Variants in GAB2 observed in about 807,000 individuals in gnomAD.
GAB2 encodes the protein GRB2-associated-binding protein 2.
Under a neutral mutation model 65.5 loss-of-function variants are expected in GAB2, and 26 were observed. The observed-to-expected ratio is 0.40, with a 90% CI of 0.29 to 0.55. The LOEUF (loss-of-function observed/expected upper bound fraction) is 0.55. Among genes scored for constraint, GAB2 ranks in the 20% least tolerant of loss-of-function variants. GAB2 has a pLI of 0.53. For synonymous variants in GAB2, 321 were observed against 329.6 expected (o/e 0.97, Z 0.28); for missense variants, 884 against 875.8 (o/e 1.01, Z -0.12).
chr11:78,277,411 G>A (rs762361164), intron 2 of GAB2, among the ~76,000 whole-genome samples: 5 of 152,132 alleles, frequency 3.3e-5, no homozygotes, highest in Non-Finnish European at 5.9e-5. Context: ...AGAGTCAGGC[G>A]GTTAAACTCT....
In GAB2 at chr11:78,250,245, T is replaced by A. The variant is rs765305156; in HGVS notation, c.532A>T (p.Asn178Tyr). Residue 178 changes from asparagine to tyrosine, a missense_variant, in exon 3 of 10, where the codon AAC becomes TAC. Asn to Tyr is a moderately radical substitution (Grantham distance 143). Coordinates refer to ENST00000361507, the MANE Select transcript of GAB2 (RefSeq NM_080491.3). ...TLFTFEPPVS[N>Y]HMQPTLSTSA... is the part of the protein sequence containing the mutation. ...GTGGACAAGGTGGGCTGCATGTGGT[T>A]TGACACAGGGGGTTCAAACGTGAAC... 8 of 1,612,970 alleles carry A rather than the reference T, an allele frequency of 5.0e-6. No individual in the cohort carries two copies. The highest frequency in any genetic ancestry group is 1.7e-4 in the Middle Eastern group (1 of 6,060).
rs1867059011 is a variant in GAB2 at position 78,302,601 on chromosome 11, C to T, written c.76-21700G>A. On this transcript the variant is annotated intron_variant, in intron 1 of 9. Coordinates refer to ENST00000361507, the MANE Select transcript of GAB2 (RefSeq NM_080491.3). ...GTGGGAATGTAAACTAGTACAACCA[C>T]TATGGAAAACAGTGTGAAGATTCCT... Among the ~76,000 whole-genome samples the T allele has an allele frequency of 3.9e-5, 6 of 152,076 alleles. No homozygotes were observed. In the South Asian group the frequency reaches 1.2e-3, roughly 32 times the overall value.
chr11:78,308,902 T>A (rs987450138), intron 1 of GAB2, among the ~76,000 whole-genome samples: 1 of 152,174 alleles, frequency 6.6e-6, no homozygotes, highest in Non-Finnish European at 1.5e-5. Flanking sequence ...TGTGTGTGTA[T>A]TCCATTTCAC....
chr11:78,401,114 T>TTA (rs1287153918), intron 1 of GAB2, among the ~76,000 whole-genome samples: 8 of 145,180 alleles, frequency 5.5e-5, no homozygotes, highest in African/African-American at 2.0e-4. Flanking sequence ...AAGTGAGGTT[T>TTA]AAAAAAAAAA....
At chr11:78,375,676 C>A (rs1856623655) in intron 1 of GAB2, among the ~76,000 whole-genome samples, 1 of 151,868 alleles carries the variant, frequency 6.6e-6, no homozygotes, top group South Asian at 2.1e-4. Flanking sequence ...ACTAGAGAGG[C>A]AGAGAAAAGG....
chr11:78,267,766 A>C (rs1394609995), intron 2 of GAB2, among the ~76,000 whole-genome samples: 1 of 151,026 alleles, frequency 6.6e-6, no homozygotes, highest in East Asian at 2.0e-4. Context: ...GCTGAGGCAG[A>C]AGAATGGCAT....
intron 2 of GAB2, among the ~76,000 whole-genome samples, chr11:78,260,030 C>A (rs971392925): frequency 6.6e-6 from 1 of 152,186 alleles, no homozygotes; most frequent in Admixed American, 6.5e-5. Flanking sequence ...GGTAAGTAAA[C>A]ATTTGTGGAT....
chr11:78,357,600 C>T (rs142946400), intron 1 of GAB2, among the ~76,000 whole-genome samples: 3,757 of 152,176 alleles, frequency 0.025, 125 homozygotes, highest in African/African-American at 0.079. Context: ...AAAAACTGGG[C>T]GAAGGATATG....
At chr11:78,361,013 G>A (rs192033361) in intron 1 of GAB2, among the ~76,000 whole-genome samples, 2 of 152,128 alleles carry the variant, frequency 1.3e-5, no homozygotes, top group East Asian at 1.9e-4. Flanking sequence ...AAAACAAAGC[G>A]TATTGCTATA....
intron 2 of GAB2, among the ~76,000 whole-genome samples, chr11:78,255,645 C>T (rs1565128460): frequency 1.3e-5 from 2 of 152,166 alleles, no homozygotes; most frequent in South Asian, 4.1e-4. Flanking sequence ...GAGGCAAGAG[C>T]TTCAGCCAAC....
intron 3 of GAB2, among the ~76,000 whole-genome samples, chr11:78,248,958 T>C (rs546524144): frequency 1.3e-5 from 2 of 152,254 alleles, no homozygotes; most frequent in South Asian, 2.1e-4. Flanking sequence ...CAGCTCTTCA[T>C]GTATAAGTTG....
chr11:78,334,525 T>C (rs1855966907), intron 1 of GAB2, among the ~76,000 whole-genome samples: 1 of 152,248 alleles, frequency 6.6e-6, no homozygotes, highest in Non-Finnish European at 1.5e-5. Context: ...TGTCTGTGCC[T>C]GGCTTATTTC....
At chr11:78,363,453 A>G (rs1490563750) in intron 1 of GAB2, among the ~76,000 whole-genome samples, 2 of 152,210 alleles carry the variant, frequency 1.3e-5, no homozygotes, top group Non-Finnish European at 2.9e-5. Flanking sequence ...AAAAATATGT[A>G]TTCTCTCCAA....
intron 1 of GAB2, among the ~76,000 whole-genome samples, chr11:78,374,313 C>G (rs922586546): frequency 6.6e-6 from 1 of 152,180 alleles, no homozygotes; most frequent in African/African-American, 2.4e-5. Context: ...GTCTACAATA[C>G]AAATAATCCG....
At chr11:78,399,145 A>C (rs1179466782) in intron 1 of GAB2, among the ~76,000 whole-genome samples, 1 of 152,234 alleles carries the variant, frequency 6.6e-6, no homozygotes, top group African/African-American at 2.4e-5. Context: ...AATTAGTTGT[A>C]AAGAATATCA....
At chr11:78,271,905 T>C (rs915808257) in intron 2 of GAB2, among the ~76,000 whole-genome samples, 2 of 152,170 alleles carry the variant, frequency 1.3e-5, no homozygotes, top group Admixed American at 1.3e-4. Context: ...AGGCAGGTCT[T>C]TCCTGTGCTT....
chr11:78,260,557 C>T (rs1049782741), intron 2 of GAB2, among the ~76,000 whole-genome samples: 9 of 151,932 alleles, frequency 5.9e-5, no homozygotes, highest in African/African-American at 1.9e-4. Context: ...CTGAAACCTC[C>T]GCCTTCTGGG....
rs192371561 is a variant in GAB2, at chr11:78,306,033, A to G, written c.76-25132T>C. On this transcript the variant is annotated intron_variant, in intron 1 of 9. Coordinates refer to ENST00000361507, the MANE Select transcript of GAB2 (RefSeq NM_080491.3). ...TCAAGCCCAGCAGTTTAACGTCTAG[A>G]ATGCAAACCCCTATATTAAAACATC... Among the ~76,000 whole-genome samples, 5 of 152,334 alleles carry G rather than the reference A, an allele frequency of 3.3e-5. No individual in the cohort carries two copies. The East Asian group carries it at 7.7e-4, about 23-fold the overall frequency.
chr11:78,378,459 AC>A (rs1856659677), intron 1 of GAB2, among the ~76,000 whole-genome samples: 1 of 152,188 alleles, frequency 6.6e-6, no homozygotes, highest in Non-Finnish European at 1.5e-5. Context: ...AGTCCTTAAA[AC>A]ATGAATTTAT....
Sources: gnomAD v4.1 joint callset for allele counts (sites outside exome capture counted in the v4.1 genomes callset) on GRCh38, gnomAD v4.1.1 for gene constraint, MANE v1.5 for transcripts, NCBI Gene and HGNC (gene_info 2026-07-23, HGNC 2026-07-21) for gene names.